AFG2A: variants seen among roughly 807,000 people sequenced by gnomAD.
AFG2A encodes the protein AAA ATPase AFG2A, also known as ATPase family gene 2 protein homolog A.
the AFG2A span, chr4:123,314,085 T>C: frequency 1.3e-6 from 2 of 1,485,996 alleles, no homozygotes; most frequent in East Asian, 2.5e-5. Context: ...ATATTCAAGA[T>C]GCTGAAAATC....
At chr4:122,929,296 G>A in the AFG2A span, 2 of 1,368,452 alleles carry the variant, frequency 1.5e-6, no homozygotes, top group South Asian at 1.9e-5. Context: ...GCATTTTCTT[G>A]TAACATTTTA....
the AFG2A span, among the ~76,000 whole-genome samples, chr4:123,029,184 G>A: frequency 3.9e-5 from 6 of 152,036 alleles, no homozygotes; most frequent in Admixed American, 6.6e-5. Flanking sequence ...TGCAAGCTCC[G>A]CCTCCCAGGT....
the AFG2A span, among the ~76,000 whole-genome samples, chr4:123,051,170 G>A: frequency 6.0e-5 from 9 of 150,642 alleles, no homozygotes; most frequent in East Asian, 5.9e-4. Flanking sequence ...TCTTCTTTTC[G>A]TTTCCTTCTT....
At chr4:123,021,219 A>G in the AFG2A span, among the ~76,000 whole-genome samples, 1 of 151,670 alleles carries the variant, frequency 6.6e-6, no homozygotes, top group Non-Finnish European at 1.5e-5. Flanking sequence ...GCTTTTTTTA[A>G]AAAAAAATTT....
chr4:123,139,374 A>G, the AFG2A span, among the ~76,000 whole-genome samples: 1 of 152,100 alleles, frequency 6.6e-6, no homozygotes, highest in Non-Finnish European at 1.5e-5. Context: ...CTTTCTTAAT[A>G]GCCTCAGGTC....
At chr4:123,306,930 G>T in the AFG2A span, among the ~76,000 whole-genome samples, 1 of 152,188 alleles carries the variant, frequency 6.6e-6, no homozygotes, top group African/African-American at 2.4e-5. Flanking sequence ...AGCCTATGGG[G>T]GAAGAGGACA....
chr4:123,121,764 A>C, the AFG2A span, among the ~76,000 whole-genome samples: 4 of 152,198 alleles, frequency 2.6e-5, no homozygotes, highest in Non-Finnish European at 5.9e-5. Flanking sequence ...ACATATCCCC[A>C]TTGTTAAGTG....
the AFG2A span, chr4:122,979,110 G>T: frequency 2.5e-6 from 3 of 1,179,150 alleles, no homozygotes; most frequent in Non-Finnish European, 3.5e-6. Flanking sequence ...CCCTGGCCAC[G>T]CCTCCCCCAC....
chr4:123,212,085 T>C, the AFG2A span, among the ~76,000 whole-genome samples: 1 of 152,098 alleles, frequency 6.6e-6, no homozygotes, highest in Non-Finnish European at 1.5e-5. Context: ...CTCAATAAAA[T>C]AACAAAAATG....
At chr4:122,987,114 CTAATA>C in the AFG2A span, among the ~76,000 whole-genome samples, 1 of 151,890 alleles carries the variant, frequency 6.6e-6, no homozygotes, top group African/African-American at 2.4e-5. Context: ...TCTATTTTGT[CTAATA>C]TAAGTATAGC....
the AFG2A span, among the ~76,000 whole-genome samples, chr4:123,114,256 C>T: frequency 1.1e-3 from 165 of 152,248 alleles, 1 homozygote; most frequent in South Asian, 2.7e-3. Flanking sequence ...CACTCTGGTC[C>T]GCAGGGCTGG....
chr4:123,257,756 G>A, the AFG2A span, among the ~76,000 whole-genome samples: 4 of 152,234 alleles, frequency 2.6e-5, no homozygotes, highest in Admixed American at 6.5e-5. Context: ...GCAAGAGGAA[G>A]ACGAAGAAAC....
chr4:123,038,641 T>G, the AFG2A span, among the ~76,000 whole-genome samples: 1 of 152,116 alleles, frequency 6.6e-6, no homozygotes, highest in Non-Finnish European at 1.5e-5. Flanking sequence ...TTGCAGGCCA[T>G]CTAGGTAAGA....
the AFG2A span, chr4:122,927,878 AT>A: frequency 1.5e-6 from 2 of 1,364,784 alleles, no homozygotes; most frequent in Non-Finnish European, 2.0e-6. Context: ...TCATTGGAAC[AT>A]TTTGGATTTC....
At chr4:123,118,239 ATTT>A in the AFG2A span, among the ~76,000 whole-genome samples, 15 of 108,558 alleles carry the variant, frequency 1.4e-4, no homozygotes, top group Non-Finnish European at 2.8e-4. Context: ...TCTTCTTCCA[ATTT>A]TTTAACACAA....
At chr4:123,213,798 C>G in the AFG2A span, among the ~76,000 whole-genome samples, 103,909 of 152,020 alleles carry the variant, frequency 0.68, 36,020 homozygotes, top group Non-Finnish European at 0.73. Context: ...AACCTTCCAG[C>G]TAGGAAATGA....
the AFG2A span, among the ~76,000 whole-genome samples, chr4:123,100,780 T>C: frequency 6.6e-6 from 1 of 151,948 alleles, no homozygotes; most frequent in Non-Finnish European, 1.5e-5. Flanking sequence ...GCCTTGGGCT[T>C]GTGCAGTTAA....
chr4:122,929,031 G>A, the AFG2A span: 12 of 1,610,962 alleles, frequency 7.4e-6, no homozygotes, highest in South Asian at 1.2e-4. Context: ...TATTTCCTCT[G>A]TCTGGCAGGT....
the AFG2A span, chr4:123,256,842 A>AT: frequency 1.0e-6 from 1 of 983,904 alleles, no homozygotes; most frequent in Non-Finnish European, 1.2e-6. Flanking sequence ...TACTTATGCT[A>AT]TTTTTATTTA....
Sources: allele counts gnomAD v4.1 joint callset (sites outside exome capture counted in the v4.1 genomes callset), GRCh38; gene constraint gnomAD v4.1.1; transcripts MANE v1.5; gene names NCBI Gene and HGNC (gene_info 2026-07-23, HGNC 2026-07-21).